The following GRID2 variants were observed in gnomAD, a reference collection of about 807,000 sequenced individuals.
GRID2 encodes glutamate receptor ionotropic, delta-2.
Under a neutral mutation model 114.8 loss-of-function variants are expected in GRID2, and 33 were observed. The ratio of observed to expected loss-of-function variants is 0.29; its 90% CI spans 0.22 to 0.38. GRID2 has a LOEUF of 0.38. GRID2 is among the 10% of genes least tolerant of loss of function. The pLI, the probability that GRID2 is intolerant of heterozygous loss-of-function variation, is 1.00. For synonymous variants in GRID2, 505 were observed against 449.9 expected, an observed-to-expected ratio of 1.12 and a Z score of -1.55; for missense variants, 1,184 against 1,257.7, an observed-to-expected ratio of 0.94 and a Z score of 0.89.
chr4:92,384,523 A>ATTATATATTATATATT (rs1174453630), intron 1 of GRID2, among the ~76,000 whole-genome samples: 2 of 31,444 alleles, frequency 6.4e-5, no homozygotes, highest in African/African-American at 2.9e-4. Context: ...AATATTATAT[A>ATTATATATTATATATT]ATATAATATA....
chr4:92,361,368 A>G (rs747768805), intron 1 of GRID2, among the ~76,000 whole-genome samples: 3 of 152,068 alleles, frequency 2.0e-5, no homozygotes, highest in African/African-American at 4.8e-5. Flanking sequence ...GTGTATCAGT[A>G]TATGGAAATA....
chr4:92,705,835 C>A (rs1222174543), intron 2 of GRID2, among the ~76,000 whole-genome samples: 1 of 152,164 alleles, frequency 6.6e-6, no homozygotes, highest in Non-Finnish European at 1.5e-5. Context: ...CTTTGTCCTG[C>A]TGTATCACCT....
At chr4:93,120,672 G>T (rs1306942027) in intron 4 of GRID2, among the ~76,000 whole-genome samples, 1 of 152,068 alleles carries the variant, frequency 6.6e-6, no homozygotes, top group Non-Finnish European at 1.5e-5. Flanking sequence ...AGATGATGGG[G>T]ACTGGGCGCG....
chr4:93,123,020 G>A (rs1207899221), intron 4 of GRID2, among the ~76,000 whole-genome samples: 1 of 146,212 alleles, frequency 6.8e-6, no homozygotes, highest in Admixed American at 7.2e-5. Context: ...TTTCTTTTCT[G>A]ATTGGAGAGC....
At chr4:93,783,459 G>A (rs1369506451) in intron 1 of GRID2, among the ~76,000 whole-genome samples, 1 of 152,196 alleles carries the variant, frequency 6.6e-6, no homozygotes, top group Admixed American at 6.5e-5. Context: ...CCTCACTGAT[G>A]TAAGAGGCTT....
intron 1 of GRID2, among the ~76,000 whole-genome samples, chr4:92,358,190 G>A (rs567121565): frequency 6.6e-6 from 1 of 151,950 alleles, no homozygotes; most frequent in Non-Finnish European, 1.5e-5. Context: ...AGCATAGAAG[G>A]CATATCAGAT....
intron 8 of GRID2, among the ~76,000 whole-genome samples, chr4:93,343,371 G>A (rs1237697567): frequency 2.0e-5 from 3 of 151,984 alleles, no homozygotes; most frequent in Admixed American, 1.3e-4. Context: ...AGTTGCATAC[G>A]TTTTGTAAGA....
chr4:92,396,171 A>G (rs886381330), intron 1 of GRID2, among the ~76,000 whole-genome samples: 6 of 151,930 alleles, frequency 3.9e-5, no homozygotes, highest in African/African-American at 7.2e-5. Context: ...GGAAATTTGC[A>G]CTGTAAATTA....
chr4:92,614,902 T>C (rs1729931927), intron 2 of GRID2, among the ~76,000 whole-genome samples: 1 of 151,540 alleles, frequency 6.6e-6, no homozygotes, highest in Admixed American at 6.6e-5. Flanking sequence ...TTTAGAATTA[T>C]TATATTTTAC....
chr4:92,987,356 TA>T (rs1578682073), intron 2 of GRID2, among the ~76,000 whole-genome samples: 1 of 152,148 alleles, frequency 6.6e-6, no homozygotes, highest in East Asian at 1.9e-4. Flanking sequence ...TGAGAAATTG[TA>T]GTGCAGCCTA....
intron 3 of GRID2, among the ~76,000 whole-genome samples, chr4:93,093,208 G>A (rs1730927185): frequency 6.6e-6 from 1 of 151,976 alleles, no homozygotes; most frequent in South Asian, 2.1e-4. Context: ...CTCAAGATAG[G>A]AATGTCAGGT....
intron 2 of GRID2, among the ~76,000 whole-genome samples, chr4:92,733,423 G>A (rs1001233821): frequency 6.6e-6 from 1 of 152,040 alleles, no homozygotes; most frequent in Non-Finnish European, 1.5e-5. Context: ...ATTCTATTCA[G>A]TGACCTCTCC....
At chr4:93,681,535 C>G (rs1444646371) in intron 14 of GRID2, among the ~76,000 whole-genome samples, 1 of 151,974 alleles carries the variant, frequency 6.6e-6, no homozygotes, top group Non-Finnish European at 1.5e-5. Context: ...AACTATACTA[C>G]AAGGCTACAG....
intron 8 of GRID2, among the ~76,000 whole-genome samples, chr4:93,364,991 C>T (rs1341405564): frequency 6.6e-6 from 1 of 152,114 alleles, no homozygotes; most frequent in Non-Finnish European, 1.5e-5. Flanking sequence ...TGTCTTTATT[C>T]TTTTTTGTTT....
intron 2 of GRID2, among the ~76,000 whole-genome samples, chr4:92,996,711 G>T (rs1755221661): frequency 1.3e-5 from 2 of 152,134 alleles, no homozygotes; most frequent in East Asian, 1.9e-4. Context: ...ATATTTTCAA[G>T]GTCTGAAATG....
intron 2 of GRID2, among the ~76,000 whole-genome samples, chr4:92,742,580 T>A (rs981148384): frequency 1.3e-5 from 2 of 152,226 alleles, no homozygotes; most frequent in African/African-American, 4.8e-5. Flanking sequence ...TGGTCCTGCA[T>A]ACATCTCTGT....
At chr4:93,724,069 G>A (rs1232713859) in intron 14 of GRID2, among the ~76,000 whole-genome samples, 1 of 152,190 alleles carries the variant, frequency 6.6e-6, no homozygotes, top group East Asian at 1.9e-4. Flanking sequence ...CTGTTGAAAT[G>A]TGAATGATGA....
intron 4 of GRID2, among the ~76,000 whole-genome samples, chr4:93,161,248 G>C (rs1348606641): frequency 6.6e-6 from 1 of 151,814 alleles, no homozygotes; most frequent in East Asian, 1.9e-4. Context: ...TTAAGCCCTA[G>C]CAGAATTTTG....
intron 14 of GRID2, among the ~76,000 whole-genome samples, chr4:93,628,790 T>C (rs1742971877): frequency 6.7e-6 from 1 of 150,288 alleles, no homozygotes; most frequent in African/African-American, 2.5e-5. Context: ...TTTGAGACAT[T>C]GTTTCGCTCT....
Sources: gnomAD v4.1 joint callset for allele counts (sites outside exome capture counted in the v4.1 genomes callset) on GRCh38, gnomAD v4.1.1 for gene constraint, MANE v1.5 for transcripts, NCBI Gene and HGNC (gene_info 2026-07-23, HGNC 2026-07-21) for gene names.